Variants in SV2C observed in about 807,000 individuals in gnomAD.
SV2C encodes the protein synaptic vesicle glycoprotein 2C.
SV2C carries 49 observed loss-of-function variants against 79.7 expected under a neutral mutation model. The observed-to-expected ratio is 0.61, with a 90% confidence interval of 0.49 to 0.78. SV2C has a LOEUF of 0.78. Ranked by LOEUF, SV2C falls within the 30% of genes least tolerant of loss-of-function variation. The pLI is 0.00. For missense variants in SV2C, 833 were observed against 912.9 expected (o/e 0.91, Z 1.13); for synonymous variants, 334 against 333.2 (o/e 1.00, Z -0.03).
At chr5:75,949,033 G>A in the SV2C span, among the ~76,000 whole-genome samples, 1 of 151,900 alleles carries the variant, frequency 6.6e-6, no homozygotes, top group Non-Finnish European at 1.5e-5. Context: ...GATCCCTCAT[G>A]GGTTGGTGCT....
chr5:76,265,920 G>A (rs540681628), intron 4 of SV2C, among the ~76,000 whole-genome samples: 1 of 152,180 alleles, frequency 6.6e-6, no homozygotes, highest in South Asian at 2.1e-4. Flanking sequence ...TTCCTATTTG[G>A]CCATCTTGCC....
chr5:75,895,763 A>G, the SV2C span, among the ~76,000 whole-genome samples: 2 of 152,110 alleles, frequency 1.3e-5, no homozygotes, highest in African/African-American at 4.8e-5. Context: ...AGAGTAGAGA[A>G]GGTGACCTTT....
At chr5:76,158,064 A>G (rs1742788693) in intron 2 of SV2C, among the ~76,000 whole-genome samples, 1 of 151,904 alleles carries the variant, frequency 6.6e-6, no homozygotes, top group African/African-American at 2.4e-5. Flanking sequence ...TCCTTAAAGA[A>G]ATTTAAATGC....
the SV2C span, among the ~76,000 whole-genome samples, chr5:75,984,598 C>CCTACCTATCTAT: frequency 6.1e-5 from 5 of 82,430 alleles, no homozygotes; most frequent in African/African-American, 2.0e-4. Flanking sequence ...TATCTATCTA[C>CCTACCTATCTAT]CTATCTATCT....
At chr5:76,128,195 C>T (rs907178904) in intron 1 of SV2C, among the ~76,000 whole-genome samples, 2 of 152,132 alleles carry the variant, frequency 1.3e-5, no homozygotes, top group African/African-American at 4.8e-5. Context: ...ACTTTCCTGC[C>T]GTCCTGGCCC....
At position 76,300,753 on chromosome 5, in the gene SV2C, A is replaced by C. The variant is rs2112523606; in HGVS notation, c.1661A>C (p.Asp554Ala). 6.2e-7 allele frequency: 1 copy of C among 1,614,084 alleles called. No homozygotes were observed. The highest frequency in any genetic ancestry group is 2.2e-5 in the East Asian group (1 of 44,878). ...NTDFEPYKFI[D>A]SEFKNCSFFH... ...GATTTTGAGCCATATAAATTCATTG[A>C]CAGTGAATTTAAAAACTGCTCGTTT... Residue 554 changes from aspartate (D) to alanine (A), a missense_variant, in exon 11 of 13, where the codon GAC (aspartate) becomes GCC (alanine). Asp to Ala is a moderately radical substitution (Grantham distance 126). Transcript: ENST00000502798.
intron 2 of SV2C, among the ~76,000 whole-genome samples, chr5:76,178,620 C>T (rs551817114): frequency 9.5e-4 from 145 of 152,308 alleles, no homozygotes; most frequent in African/African-American, 3.3e-3. Context: ...AAGGCATGTT[C>T]ACATTAAAAT....
chr5:76,323,846 A>G (rs887362676), intron 12 of SV2C, among the ~76,000 whole-genome samples: 5 of 152,130 alleles, frequency 3.3e-5, no homozygotes, highest in African/African-American at 9.7e-5. Context: ...ATGACAACAC[A>G]TGGACATAGG....
rs143081552 is a variant in SV2C at position 76,090,385 on chromosome 5, T to A, written c.-102+6873T>A. Among the ~76,000 whole-genome samples the A allele has an allele frequency of 2.0e-5, 3 of 152,352 alleles. No individual in the cohort carries two copies. The East Asian group carries it at 5.8e-4, about 29-fold the overall frequency. The stretch of plus-strand genomic sequence containing the variant: ...GCAAATGCATGCAGAGCATTGTATT[T>A]AGTCTTCGTGGTAACCCTGGCCCTC... On this transcript the variant is annotated intron_variant, in intron 1 of 12. Coordinates refer to ENST00000502798, the MANE Select transcript of SV2C (RefSeq NM_014979.4).
chr5:75,991,664 G>T, the SV2C span, among the ~76,000 whole-genome samples: 5 of 148,468 alleles, frequency 3.4e-5, no homozygotes, highest in Non-Finnish European at 7.4e-5. Flanking sequence ...AAAACCATCA[G>T]ATATATATAT....
the SV2C span, among the ~76,000 whole-genome samples, chr5:75,950,862 A>G: frequency 6.6e-6 from 1 of 151,990 alleles, no homozygotes; most frequent in African/African-American, 2.4e-5. Context: ...CATAGTGTCT[A>G]CCTATATTTA....
At chr5:76,289,690 C>T (rs778893011) in intron 6 of SV2C, among the ~76,000 whole-genome samples, 6 of 152,180 alleles carry the variant, frequency 3.9e-5, no homozygotes, top group Non-Finnish European at 7.3e-5. Flanking sequence ...TCAGGAATCG[C>T]GAACTCTTTG....
chr5:76,088,049 G>A (rs1016571847), intron 1 of SV2C, among the ~76,000 whole-genome samples: 17 of 152,140 alleles, frequency 1.1e-4, no homozygotes, highest in Admixed American at 2.6e-4. Flanking sequence ...GCTCACTTCT[G>A]CAGCCTCATT....
intron 1 of SV2C, among the ~76,000 whole-genome samples, chr5:76,105,703 G>A (rs761573829): frequency 5.9e-5 from 9 of 151,970 alleles, no homozygotes; most frequent in African/African-American, 1.2e-4. Context: ...AATTATCTGC[G>A]TTCAGTCTCC....
the SV2C span, among the ~76,000 whole-genome samples, chr5:75,968,485 C>T: frequency 1.3e-5 from 2 of 152,116 alleles, no homozygotes; most frequent in African/African-American, 4.8e-5. Flanking sequence ...CCTCAAAGGA[C>T]CTGATGGAGC....
intron 2 of SV2C, among the ~76,000 whole-genome samples, chr5:76,152,312 C>T (rs745943431): frequency 1.4e-4 from 21 of 152,074 alleles, no homozygotes; most frequent in Non-Finnish European, 2.6e-4. Context: ...TTTTAGATAA[C>T]GCTTCTAATA....
At chr5:76,065,680 C>T in the SV2C span, among the ~76,000 whole-genome samples, 3 of 152,172 alleles carry the variant, frequency 2.0e-5, no homozygotes, top group East Asian at 3.9e-4. Flanking sequence ...CTAGGTTTTT[C>T]GCTTAATATA....
At chr5:75,850,022 AT>A in the SV2C span, among the ~76,000 whole-genome samples, 1 of 152,030 alleles carries the variant, frequency 6.6e-6, no homozygotes. Context: ...TGTATTTCTA[AT>A]TTTTGAAGAG....
At chr5:76,065,638 T>A in the SV2C span, among the ~76,000 whole-genome samples, 90 of 152,288 alleles carry the variant, frequency 5.9e-4, 1 homozygote, top group South Asian at 8.3e-4. Flanking sequence ...GTATATGTAG[T>A]TGAGATCACA....
Sources: gnomAD v4.1 joint callset for allele counts (sites outside exome capture counted in the v4.1 genomes callset) on GRCh38, gnomAD v4.1.1 for gene constraint, MANE v1.5 for transcripts, NCBI Gene and HGNC (gene_info 2026-07-23, HGNC 2026-07-21) for gene names.